Variants in DRC8 observed in about 807,000 individuals in gnomAD.
The protein encoded by DRC8 is dynein regulatory complex protein 8.
the DRC8 span, among the ~76,000 whole-genome samples, chr1:245,084,207 G>A: frequency 2.6e-4 from 40 of 151,084 alleles, no homozygotes; most frequent in East Asian, 6.9e-3. Flanking sequence ...TCAGCCTCCC[G>A]AGTAGCTGGG....
the DRC8 span, chr1:245,002,206 C>G: frequency 6.2e-7 from 1 of 1,609,828 alleles, no homozygotes. Flanking sequence ...GACCATCACA[C>G]AATGACGGTG....
At chr1:245,023,895 C>T in the DRC8 span, among the ~76,000 whole-genome samples, 5,265 of 152,172 alleles carry the variant, frequency 0.035, 115 homozygotes, top group Non-Finnish European at 0.052. Context: ...ATTGGCTGGG[C>T]GCAGTGGCTC....
the DRC8 span, among the ~76,000 whole-genome samples, chr1:245,010,226 C>T: frequency 4.6e-5 from 7 of 152,152 alleles, no homozygotes; most frequent in African/African-American, 7.2e-5. Flanking sequence ...ATATCAGTTA[C>T]GGAGGCATGG....
At chr1:245,013,160 C>CAGAA in the DRC8 span, among the ~76,000 whole-genome samples, 15 of 151,836 alleles carry the variant, frequency 9.9e-5, no homozygotes, top group African/African-American at 3.6e-4. Context: ...AACAAACAAA[C>CAGAA]AAACCACAGT....
the DRC8 span, among the ~76,000 whole-genome samples, chr1:245,098,380 G>A: frequency 2.6e-5 from 4 of 152,110 alleles, no homozygotes; most frequent in African/African-American, 4.8e-5. Flanking sequence ...CCCCTAAAGA[G>A]GGAGGGTGAG....
chr1:245,029,369 C>T, the DRC8 span, among the ~76,000 whole-genome samples: 1 of 152,234 alleles, frequency 6.6e-6, no homozygotes, highest in African/African-American at 2.4e-5. Flanking sequence ...CTGATCTCAG[C>T]TCACTGCAAC....
At chr1:245,083,814 T>C in the DRC8 span, 1 of 1,380,280 alleles carries the variant, frequency 7.2e-7, no homozygotes, top group East Asian at 2.6e-5. Context: ...TTACTGTTCC[T>C]GCTATTTTGG....
the DRC8 span, chr1:244,970,578 G>A: frequency 2.6e-6 from 3 of 1,159,546 alleles, no homozygotes; most frequent in African/African-American, 1.8e-5. Context: ...CCTGAGGAGG[G>A]GGCCACCCGG....
the DRC8 span, among the ~76,000 whole-genome samples, chr1:244,987,367 A>T: frequency 6.6e-6 from 1 of 150,648 alleles, no homozygotes. Context: ...CACCTGGCTA[A>T]TTTTTTTTTG....
the DRC8 span, among the ~76,000 whole-genome samples, chr1:245,071,323 G>C: frequency 6.6e-6 from 1 of 152,178 alleles, no homozygotes; most frequent in African/African-American, 2.4e-5. Flanking sequence ...TGTAGAGAGA[G>C]CCTCAATCTT....
At chr1:245,080,777 A>G in the DRC8 span, among the ~76,000 whole-genome samples, 1 of 152,322 alleles carries the variant, frequency 6.6e-6, no homozygotes, top group Non-Finnish European at 1.5e-5. Flanking sequence ...GTGCTCTTCC[A>G]AAACATGCAT....
the DRC8 span, among the ~76,000 whole-genome samples, chr1:244,984,037 C>T: frequency 6.6e-6 from 1 of 151,932 alleles, no homozygotes; most frequent in Non-Finnish European, 1.5e-5. Flanking sequence ...TCACTGCAGC[C>T]TCAAACTCCT....
chr1:244,987,028 C>A, the DRC8 span, among the ~76,000 whole-genome samples: 1 of 152,238 alleles, frequency 6.6e-6, no homozygotes, highest in South Asian at 2.1e-4. Context: ...CTCCGTAGGG[C>A]TGTCTGTGTA....
chr1:244,991,150 T>A, the DRC8 span, among the ~76,000 whole-genome samples: 432 of 152,268 alleles, frequency 2.8e-3, 1 homozygote, highest in African/African-American at 9.6e-3. Flanking sequence ...TTCCATAATT[T>A]GCTATAAAGG....
chr1:245,033,054 G>A, the DRC8 span, among the ~76,000 whole-genome samples: 1 of 152,066 alleles, frequency 6.6e-6, no homozygotes, highest in Admixed American at 6.6e-5. Context: ...ATTGGCGTGC[G>A]GACCAGAGCA....
chr1:245,047,186 C>T, the DRC8 span, among the ~76,000 whole-genome samples: 3 of 152,184 alleles, frequency 2.0e-5, no homozygotes, highest in South Asian at 2.1e-4. Flanking sequence ...TGAAAACCCA[C>T]GTGTAACTTT....
the DRC8 span, among the ~76,000 whole-genome samples, chr1:244,984,209 G>A: frequency 1.3e-5 from 2 of 152,040 alleles, no homozygotes; most frequent in South Asian, 4.1e-4. Flanking sequence ...TCCCAATTCT[G>A]TGAGTACCTT....
At chr1:245,113,222 C>T in the DRC8 span, among the ~76,000 whole-genome samples, 6 of 152,230 alleles carry the variant, frequency 3.9e-5, no homozygotes, top group South Asian at 1.2e-3. Context: ...GTCTTACAGG[C>T]GAGTCAGCCA....
the DRC8 span, among the ~76,000 whole-genome samples, chr1:244,978,491 C>A: frequency 9.9e-4 from 128 of 129,740 alleles, no homozygotes; most frequent in South Asian, 1.4e-3. Context: ...AACTCCGTCT[C>A]AAAAAAAAAA....
Sources: allele counts gnomAD v4.1 joint callset (sites outside exome capture counted in the v4.1 genomes callset), GRCh38; gene constraint gnomAD v4.1.1; transcripts MANE v1.5; gene names NCBI Gene and HGNC (gene_info 2026-07-23, HGNC 2026-07-21).